The following DYM variants were observed in gnomAD, a reference collection of about 807,000 sequenced individuals.
The protein encoded by DYM is dyggve-Melchior-Clausen syndrome protein.
A neutral mutation model predicts 93.1 loss-of-function variants in DYM; 78 were observed. That is an observed-to-expected ratio of 0.84 (90% CI 0.70 to 1.01). The LOEUF is 1.01. DYM is among the 50% of genes least tolerant of loss of function. The pLI is 0.00. For synonymous variants in DYM, 321 were observed against 319.7 expected, an observed-to-expected ratio of 1.00 and a Z score of -0.04; for missense variants, 789 against 845.0, an observed-to-expected ratio of 0.93 and a Z score of 0.82.
chr18:49,357,122 T>C (rs1007811124), intron 6 of DYM, among the ~76,000 whole-genome samples: 5 of 152,230 alleles, frequency 3.3e-5, no homozygotes, highest in African/African-American at 1.2e-4. Context: ...TATCCAGTTC[T>C]TTTCTGCCTC....
At chr18:49,114,473 T>C (rs1393803974) in intron 16 of DYM, 1 of 861,628 alleles carries the variant, frequency 1.2e-6, no homozygotes, top group Admixed American at 6.2e-5. Flanking sequence ...AACATCCTGC[T>C]TTTACTTCTA....
rs376724532 is a variant in DYM at position 49,362,323 on chromosome 18, C to A, written c.494+838G>T. Among the ~76,000 whole-genome samples, 20 of 152,220 alleles carry A rather than the reference C, an allele frequency of 1.3e-4. No homozygotes were observed. The South Asian group carries it at 4.1e-3, about 32-fold the overall frequency. The stretch of plus-strand genomic sequence containing the variant: ...GACCAACCTGGCCAACATAGTGAGG[C>A]CCTGTCTCTACTTTAAATTTTTAAA... On this transcript the variant is annotated intron_variant, in intron 6 of 17. Transcript: ENST00000675505.
chr18:49,153,368 T>G (rs2086030309), intron 15 of DYM, among the ~76,000 whole-genome samples: 1 of 152,228 alleles, frequency 6.6e-6, no homozygotes, highest in Non-Finnish European at 1.5e-5. Context: ...TGTTCACCAA[T>G]TTTATTCACA....
intron 3 of DYM, among the ~76,000 whole-genome samples, chr18:49,386,691 G>GA (rs1446467341): frequency 1.7e-4 from 26 of 152,204 alleles, no homozygotes; most frequent in African/African-American, 6.3e-4. Context: ...CTGGAACAGT[G>GA]AAGGCAGATT....
At chr18:49,394,124 A>C (rs1747173412) in intron 2 of DYM, among the ~76,000 whole-genome samples, 1 of 152,352 alleles carries the variant, frequency 6.6e-6, no homozygotes, top group South Asian at 2.1e-4. Context: ...AAAATGGTTA[A>C]AATGATTATT....
chr18:49,124,612 CTTATTT>C (rs1467787572), intron 15 of DYM, among the ~76,000 whole-genome samples: 1 of 152,054 alleles, frequency 6.6e-6, no homozygotes, highest in Non-Finnish European at 1.5e-5. Flanking sequence ...CACTAACCCT[CTTATTT>C]TTAGAGTTAT....
chr18:49,286,320 C>A, intron 9 of DYM, 114 bp downstream of exon 9: 1 of 1,238,920 alleles, frequency 8.1e-7, no homozygotes, highest in Non-Finnish European at 1.2e-6. Context: ...CATGTTTGAC[C>A]AATATGAAAA....
chr18:49,169,009 A>G (rs1376849705), intron 14 of DYM, among the ~76,000 whole-genome samples: 1 of 152,210 alleles, frequency 6.6e-6, no homozygotes. Flanking sequence ...AAGAGGGGCC[A>G]AATAAGAAGG....
intron 1 of DYM, among the ~76,000 whole-genome samples, chr18:49,446,207 A>C (rs2082081305): frequency 6.7e-6 from 1 of 150,014 alleles, no homozygotes; most frequent in Non-Finnish European, 1.5e-5. Context: ...GGACCATTTG[A>C]GGCTAGGAGT....
At chr18:49,446,974 A>C (rs1327081896) in intron 1 of DYM, among the ~76,000 whole-genome samples, 7 of 151,458 alleles carry the variant, frequency 4.6e-5, no homozygotes, top group Non-Finnish European at 1.0e-4. Context: ...CAGGAGAATC[A>C]CTTGAAACCG....
At chr18:49,062,980 G>A (rs1357305774) in intron 17 of DYM, among the ~76,000 whole-genome samples, 2 of 152,192 alleles carry the variant, frequency 1.3e-5, no homozygotes, top group Non-Finnish European at 2.9e-5. Context: ...CTGTGCAGGA[G>A]CTTTCTGTGT....
intron 5 of DYM, among the ~76,000 whole-genome samples, chr18:49,373,721 C>T (rs912787294): frequency 6.6e-6 from 1 of 152,130 alleles, no homozygotes; most frequent in Admixed American, 6.6e-5. Flanking sequence ...CTGACAATAT[C>T]ACGTTAAATA....
In DYM at chr18:49,209,258, T is replaced by C. The variant is rs185225278; in HGVS notation, c.1625+293A>G. On this transcript the variant is annotated intron_variant, in intron 14 of 17. Transcript: ENST00000675505. ...AAACATCAGAGCACTCCAACTACTA[T>C]AAATCAAAAGATTCCCAAATGGAAT... Among the ~76,000 whole-genome samples the C allele has an allele frequency of 2.1e-4, 32 of 152,286 alleles. 1 individual carries two copies. Among genetic ancestry groups the C allele is most frequent in the African/African-American group, 7.0e-4 (29 of 41,550 alleles).
chr18:49,395,818 A>G (rs2069998131), intron 2 of DYM, among the ~76,000 whole-genome samples: 1 of 152,192 alleles, frequency 6.6e-6, no homozygotes. Context: ...CTCTCATACA[A>G]TGTTAGTAGG....
intron 1 of DYM, among the ~76,000 whole-genome samples, chr18:49,450,830 A>T (rs989836917): frequency 2.0e-5 from 3 of 152,222 alleles, no homozygotes; most frequent in Non-Finnish European, 4.4e-5. Context: ...GTAACCTGGA[A>T]ATTTTGTCAT....
chr18:49,167,519 A>G (rs777745907), intron 14 of DYM, among the ~76,000 whole-genome samples: 1 of 152,206 alleles, frequency 6.6e-6, no homozygotes, highest in Non-Finnish European at 1.5e-5. Flanking sequence ...AAGTACTTTC[A>G]AAGTTTTATT....
intron 3 of DYM, among the ~76,000 whole-genome samples, chr18:49,381,401 T>C (rs2068033987): frequency 6.6e-6 from 1 of 152,208 alleles, no homozygotes; most frequent in Non-Finnish European, 1.5e-5. Flanking sequence ...ATTTTTGTCA[T>C]GACTTAAGAG....
chr18:49,048,597 C>T (rs1283109431), intron 17 of DYM: 1 of 151,896 alleles, frequency 6.6e-6, no homozygotes, highest in Non-Finnish European at 1.5e-5. Context: ...GAAATAAAAC[C>T]AATAAACTGT....
At chr18:49,102,198 T>G (rs1050837928) in intron 16 of DYM, among the ~76,000 whole-genome samples, 4 of 152,238 alleles carry the variant, frequency 2.6e-5, no homozygotes, top group African/African-American at 7.2e-5. Flanking sequence ...TAACGCTCTG[T>G]GAGCACTTAC....
Sources: gnomAD v4.1 joint callset for allele counts (sites outside exome capture counted in the v4.1 genomes callset) on GRCh38, gnomAD v4.1.1 for gene constraint, MANE v1.5 for transcripts, NCBI Gene and HGNC (gene_info 2026-07-23, HGNC 2026-07-21) for gene names.